The following PAXIP1 variants were observed in gnomAD, a reference collection of about 807,000 sequenced individuals.
PAXIP1 encodes the protein PAX interacting protein 1, also known as PAX-interacting protein 1.
Under a neutral mutation model 140.6 loss-of-function variants are expected in PAXIP1, and 19 were observed. The ratio of observed to expected loss-of-function variants is 0.14; its 90% CI spans 0.09 to 0.20. PAXIP1 has a LOEUF of 0.20. Among genes scored for constraint, PAXIP1 ranks in the 10% least tolerant of loss-of-function variants. The pLI, the probability that PAXIP1 is intolerant of heterozygous loss-of-function variation, is 1.00. For synonymous variants in PAXIP1, 442 were observed against 444.6 expected (o/e 0.99, Z 0.07); for missense variants, 920 against 1,208.6 (o/e 0.76, Z 3.54).
chr7:154,996,477 T>G (rs1276384866), intron 2 of PAXIP1, among the ~76,000 whole-genome samples: 1 of 152,228 alleles, frequency 6.6e-6, no homozygotes, highest in Non-Finnish European at 1.5e-5. Context: ...AAGTAATGGG[T>G]ATTTCTACTT....
intron 10 of PAXIP1, 54 bp from the exon 11 acceptor site, chr7:154,961,702 C>A: frequency 4.2e-6 from 6 of 1,435,178 alleles, no homozygotes; most frequent in East Asian, 2.4e-5. Context: ...AAACCAAAAC[C>A]AAGTACTATT....
rs776022267 is a variant in PAXIP1 at position 154,946,473 on chromosome 7, C to T, written c.3133+39G>A. The T allele has an allele frequency of 3.1e-6, 5 of 1,602,598 alleles. No homozygotes were observed. Among genetic ancestry groups the T allele is most frequent in the African/African-American group, 2.7e-5 (2 of 74,682 alleles). ...CTTTAGTTAGAGATCCACTGCTGTG[C>T]GTGCACACATACTCACACAGGTAAG... is the stretch of plus-strand genomic sequence containing the variant. On this transcript the variant is annotated intron_variant, in intron 19 of 20. Coordinates refer to ENST00000404141, the MANE Select transcript of PAXIP1 (RefSeq NM_007349.4). This position sits in a 1 kb window ranked among gnomAD's most constrained non-coding sequence, Gnocchi z 4.9.
chr7:154,968,393 C>T lies in PAXIP1; in HGVS notation c.1798+10G>A. 6.5e-7 allele frequency: 1 copy of T among 1,530,334 alleles called. No individual in the cohort carries two copies. Among genetic ancestry groups the T allele is most frequent in the Non-Finnish European group, 8.8e-7 (1 of 1,133,758 alleles). The allele number at this position is 1,530,334 out of a possible 1,614,324, so 94.8% of individuals were successfully genotyped here. A position where few individuals can be genotyped will look rare whatever the true frequency, so the allele number is the denominator to read the frequency against. On this transcript the variant is annotated intron_variant, in intron 7 of 20. Coordinates refer to ENST00000404141, the MANE Select transcript of PAXIP1 (RefSeq NM_007349.4). The stretch of plus-strand genomic sequence containing the variant: ...TTTAGGAGAGAGGAAAAATAATCTC[C>T]ATTACTAACTCTCCACTGCTGGATC...
chr7:154,975,277 C>T (rs1809518641), intron 6 of PAXIP1, among the ~76,000 whole-genome samples: 1 of 152,076 alleles, frequency 6.6e-6, no homozygotes, highest in Admixed American at 6.5e-5. Context: ...CCTTCCTCAA[C>T]AAATGCATGA....
At chr7:154,995,254 G>A (rs1810525741) in intron 2 of PAXIP1, among the ~76,000 whole-genome samples, 1 of 152,196 alleles carries the variant, frequency 6.6e-6, no homozygotes, top group Non-Finnish European at 1.5e-5. Context: ...CCACAGGTGT[G>A]TTCTCAGGCA....
chr7:154,978,235 C>T (rs186193780), intron 5 of PAXIP1, among the ~76,000 whole-genome samples: 178 of 152,310 alleles, frequency 1.2e-3, no homozygotes, highest in Non-Finnish European at 2.1e-3. Context: ...CAGCTGTGTA[C>T]CTTAGTTCAT....
At chr7:154,993,919 A>G in intron 2 of PAXIP1, 150 bp from the exon 3 acceptor site, 1 of 620,380 alleles carries the variant, frequency 1.6e-6, no homozygotes, top group East Asian at 2.8e-5. Flanking sequence ...TAGAAATATT[A>G]TAGTCAAAGA....
chr7:154,945,625 G>GCTCGGCC (rs3054463), intron 20 of PAXIP1: 567,172 of 982,780 alleles, frequency 0.58, 164,395 homozygotes, highest in Admixed American at 0.65. Context: ...GAGAGGAGGA[G>GCTCGGCC]CTCCAGCCTC....
At chr7:154,945,483 C>T in intron 20 of PAXIP1, 1 of 983,050 alleles carries the variant, frequency 1.0e-6, no homozygotes, top group Non-Finnish European at 1.2e-6. Flanking sequence ...AAAAACTCGG[C>T]AAGGATGGGT....
Position 154,944,164 on chromosome 7 carries a change from T to A in PAXIP1, c.3195A>T (p.Ser1065=), listed in dbSNP as rs374634088. The change falls in exon 21 of 21, where the codon TCA becomes TCT. Residue 1065 remains serine (S), a splice_region_variant and synonymous_variant. Coordinates refer to ENST00000404141, the MANE Select transcript of PAXIP1 (RefSeq NM_007349.4). ...GVLTQTLDYE[S]YKFN is the part of the protein sequence containing the mutation. ...CTAGACGCCATCAGTTAAACTTATA[T>A]GTAGGCTTGTTGAGGAAAACGACTT... 7 of 1,604,840 alleles carry A rather than the reference T, an allele frequency of 4.4e-6. No individual in the cohort carries two copies. The highest frequency in any genetic ancestry group is 6.0e-6 in the Non-Finnish European group (7 of 1,174,004).
At chr7:154,957,070 G>A (rs892031979) in intron 14 of PAXIP1, 154 bp downstream of exon 14, 38 of 527,270 alleles carry the variant, frequency 7.2e-5, no homozygotes, top group Admixed American at 3.3e-4. Context: ...TCATTAAAAT[G>A]AAATATATCC....
intron 6 of PAXIP1, among the ~76,000 whole-genome samples, chr7:154,969,800 C>T (rs1452078209): frequency 6.6e-6 from 1 of 152,214 alleles, no homozygotes; most frequent in Non-Finnish European, 1.5e-5. Context: ...CCAGCTAAGA[C>T]ACCACCGGGG....
At position 154,956,887 on chromosome 7, in the gene PAXIP1, C is replaced by T. The variant is rs1025294578; in HGVS notation, c.2549+337G>A. Reference sequence around the variant, plus strand: ...TGGCATGTACAGCAGGTTCTTCAGCCGTGCCCAGGAGGCCTGGGGCTCCGT... The same window carrying T: ...TGGCATGTACAGCAGGTTCTTCAGCTGTGCCCAGGAGGCCTGGGGCTCCGT... On this transcript the variant is annotated intron_variant, in intron 14 of 20. Transcript: ENST00000404141. This position sits in a 1 kb window ranked among gnomAD's most constrained non-coding sequence, Gnocchi z 4.2. The T allele has an allele frequency of 2.6e-5, 5 of 193,914 alleles. No homozygotes were observed. The highest frequency in any genetic ancestry group is 2.8e-4 in the East Asian group (2 of 7,134). 12.0% of individuals were successfully genotyped at this position (193,914 alleles called of 1,614,324 possible).
rs766748281 is a variant in PAXIP1, at chr7:155,002,910, T to C, written c.20A>G (p.Lys7Arg). ...CTCCCTGAACATCTCCTCAGGAACT[T>C]TGGGCGCCTGGTCCGACATGATCGC... MSDQAP[K>R]VPEEMFREVK... The change falls in exon 1 of 21, where the codon AAA becomes AGA. Residue 7 changes from lysine (K) to arginine (R), a missense_variant. Lys to Arg is a conservative substitution (Grantham distance 26). This residue lies in a region of PAXIP1 where 419 missense variants were observed against 514.7 expected (regional missense o/e 0.81). Transcript: ENST00000404141. 2.2e-6 allele frequency: 3 copies of C among 1,371,804 alleles called. No homozygotes were observed. The African/African-American group carries it at 4.6e-5, about 21-fold the overall frequency. 85.0% of individuals were successfully genotyped at this position (1,371,804 alleles called of 1,614,324 possible).
At chr7:154,948,919 A>G (rs1035255749) in intron 16 of PAXIP1, 1 of 152,168 alleles carries the variant, frequency 6.6e-6, no homozygotes, top group African/African-American at 2.4e-5. Flanking sequence ...TTTATAAAGG[A>G]TAGTTTTATC....
chr7:154,983,504 A>T (rs992454405), intron 4 of PAXIP1, 172 bp from the exon 5 acceptor site: 2 of 533,204 alleles, frequency 3.8e-6, no homozygotes, highest in African/African-American at 4.0e-5. Context: ...TTATAACAAA[A>T]ACTTCACTCC....
intron 16 of PAXIP1, chr7:154,950,652 A>G (rs1808231405): frequency 1.3e-5 from 2 of 152,242 alleles, no homozygotes; most frequent in Non-Finnish European, 2.9e-5. Flanking sequence ...GGAGTTGAAA[A>G]CTTACGTCCA....
chr7:154,990,404 C>T (rs306283), intron 4 of PAXIP1, among the ~76,000 whole-genome samples: 45,649 of 152,052 alleles, frequency 0.3, 7,162 homozygotes, highest in East Asian at 0.41. Flanking sequence ...TATTTTAAGG[C>T]TTGACACTGC....
chr7:154,952,597 C>CA (rs1808321165), intron 16 of PAXIP1, among the ~76,000 whole-genome samples: 1 of 152,128 alleles, frequency 6.6e-6, no homozygotes, highest in African/African-American at 2.4e-5. Flanking sequence ...AGTTCAATGT[C>CA]AGTGAATTAA....
Sources: allele counts gnomAD v4.1 joint callset (sites outside exome capture counted in the v4.1 genomes callset), GRCh38; gene constraint gnomAD v4.1.1; regional missense constraint gnomAD v4.1.1; non-coding constraint Gnocchi (gnomAD v3.1); transcripts MANE v1.5; gene names NCBI Gene and HGNC (gene_info 2026-07-23, HGNC 2026-07-21).